The following XIST variants were observed in gnomAD, a reference collection of about 807,000 sequenced individuals.
XIST encodes X inactive specific transcript, also known as X inactive specific transcript (non-protein coding).
chrX:73,846,096 G>C (rs1296484947), exon 1 of XIST: 2 of 555,892 alleles, frequency 3.6e-6, no homozygotes, highest in African/African-American at 4.5e-5. Flanking sequence ...GAAGGGAAAG[G>C]AAGATTGGGG....
At chrX:73,848,936 AACC>A in exon 1 of XIST, 1 of 556,539 alleles carries the variant, frequency 1.8e-6, no homozygotes, top group East Asian at 3.2e-5. Flanking sequence ...TGTTACGCAG[AACC>A]ATGAATAATT....
At position 73,827,276 on chromosome X, in the gene XIST, T is replaced by C. The variant is rs989341518; in HGVS notation, n.12625A>G. 3 of 556,254 alleles carry C rather than the reference T, an allele frequency of 5.4e-6. No individual in the cohort carries two copies. In the African/African-American group the frequency reaches 6.8e-5, roughly 13 times the overall value. 45.8% of individuals were successfully genotyped at this position (556,254 alleles called of 1,213,427 possible). On this transcript the variant is annotated non_coding_transcript_exon_variant, in exon 6 of 6. Transcript: ENST00000429829. ...TATCAGGCAGGGGTTAGGAAGCCCCTCTGCCACACATGACACACACACACG... is the reference window on the plus strand; with the variant it reads ...TATCAGGCAGGGGTTAGGAAGCCCCCCTGCCACACATGACACACACACACG...
chrX:73,847,115 G>C, exon 1 of XIST: 1 of 559,256 alleles, frequency 1.8e-6, no homozygotes, highest in Non-Finnish European at 3.2e-6. Context: ...GGTACTTCCA[G>C]CTGGGATGTA....
At position 73,842,900 on chromosome X, in the gene XIST, G is replaced by A. The variant is rs756904194; in HGVS notation, n.9824C>T. On this transcript the variant is annotated non_coding_transcript_exon_variant, in exon 1 of 6. Transcript: ENST00000429829. The stretch of plus-strand genomic sequence containing the variant: ...ATTGTGAGCAATAGTCTGTAAAAAG[G>A]GGCCAAGGGCACACAAGGGGCAGAG... The A allele has an allele frequency of 7.2e-6, 4 of 556,089 alleles. No individual in the cohort carries two copies. In the African/African-American group the frequency reaches 9.0e-5, roughly 13 times the overall value. 45.8% of individuals were successfully genotyped at this position (556,089 alleles called of 1,213,427 possible).
chrX:73,852,067 T>C (rs1333468987), exon 1 of XIST: 7 of 481,719 alleles, frequency 1.5e-5, no homozygotes, highest in Non-Finnish European at 7.3e-6. Flanking sequence ...AAACAAAAAT[T>C]AAAGCAGGTA....
At chrX:73,848,401 T>C (rs1206030709) in exon 1 of XIST, 1 of 556,611 alleles carries the variant, frequency 1.8e-6, no homozygotes, top group East Asian at 3.2e-5. Flanking sequence ...CAATTAGGAT[T>C]GTGCACATAA....
At chrX:73,829,267 A>T (rs1922329836) in intron 4 of XIST, 1 of 538,161 alleles carries the variant, frequency 1.9e-6, no homozygotes, top group South Asian at 2.4e-5. Context: ...TGTAAATGCC[A>T]TAAATATTGA....
chrX:73,830,855 A>G lies in XIST; in HGVS notation n.11752+211T>C, dbSNP rs574871691. ...ATAGTCCCACTCCAAACACCCGAAC[A>G]CATGCAACCCGCTACCCTCTTTACA... On this transcript the variant is annotated intron_variant and non_coding_transcript_variant, in intron 4 of 5. Coordinates refer to ENST00000429829, the Ensembl canonical transcript of XIST. 3.6e-5 allele frequency among the ~76,000 whole-genome samples: 4 copies of G among 111,737 alleles called. No individual in the cohort carries two copies. The East Asian group carries it at 1.1e-3, about 31-fold the overall frequency.
intron 5 of XIST, chrX:73,828,091 TAAA>T: frequency 4.6e-6 from 2 of 436,165 alleles, no homozygotes; most frequent in Admixed American, 8.4e-5. Flanking sequence ...CACAGAAAGA[TAAA>T]AAAAATCAAA....
At chrX:73,831,796 A>C (rs1260362403) in intron 3 of XIST, among the ~76,000 whole-genome samples, 1 of 112,168 alleles carries the variant, frequency 8.9e-6, no homozygotes, top group Non-Finnish European at 1.9e-5. Flanking sequence ...CTTTATAAAG[A>C]GCTATTTTAA....
At chrX:73,843,053 T>G in exon 1 of XIST, 1 of 558,355 alleles carries the variant, frequency 1.8e-6, no homozygotes. Context: ...ACTCCAATGC[T>G]TATACTTTAT....
At chrX:73,852,193 A>G (rs1217133441) in exon 1 of XIST, 10 of 546,269 alleles carry the variant, frequency 1.8e-5, no homozygotes, top group Non-Finnish European at 2.9e-5. Context: ...CCGATGGGCC[A>G]GAGTGTTGGG....
exon 1 of XIST, chrX:73,843,453 G>A (rs1208722694): frequency 1.8e-6 from 1 of 556,025 alleles, no homozygotes; most frequent in East Asian, 3.3e-5. Flanking sequence ...GAGGAACATA[G>A]GGTCTTTTTC....
rs185000623 is a variant in XIST, at chrX:73,825,990, A to C, written n.13911T>G. 102 of 556,973 alleles carry C rather than the reference A, an allele frequency of 1.8e-4. No homozygotes were observed. In the Admixed American group the frequency reaches 2.2e-3, roughly 12 times the overall value. The allele number at this position is 556,973 out of a possible 1,213,427, so 45.9% of individuals were successfully genotyped here. A position where few individuals can be genotyped will look rare whatever the true frequency, so the allele number is the denominator to read the frequency against. ...GGAGTAGCGTTGGCACAGTCCACCA[A>C]ATTATTTGGCCACTACTATGAGCAG... On this transcript the variant is annotated non_coding_transcript_exon_variant, in exon 6 of 6. Coordinates refer to ENST00000429829, the Ensembl canonical transcript of XIST.
exon 1 of XIST, chrX:73,850,751 G>C (rs1288015774): frequency 3.7e-6 from 1 of 270,801 alleles, no homozygotes; most frequent in East Asian, 1.1e-4. Flanking sequence ...TGGGGAGTTG[G>C]GGGGGTTGGG....
intron 4 of XIST, among the ~76,000 whole-genome samples, chrX:73,829,897 T>C (rs1264629063): frequency 9.1e-6 from 1 of 109,328 alleles, no homozygotes; most frequent in Non-Finnish European, 1.9e-5. Flanking sequence ...ATAATAGATA[T>C]GAGAGGGAAA....
At chrX:73,822,595 G>A in exon 6 of XIST, 1 of 511,494 alleles carries the variant, frequency 2.0e-6, no homozygotes, top group Non-Finnish European at 3.5e-6. Flanking sequence ...TTTTCGTCAT[G>A]ATTTTTTTTG....
chrX:73,851,740 T>C (rs1250473295), exon 1 of XIST: 5 of 557,272 alleles, frequency 9.0e-6, no homozygotes, highest in South Asian at 2.2e-5. Context: ...CTGCCTGACC[T>C]GCTATCATCC....
At chrX:73,831,367 T>G in intron 3 of XIST, 1 of 434,927 alleles carries the variant, frequency 2.3e-6, no homozygotes, top group Non-Finnish European at 4.0e-6. Flanking sequence ...ACCATATTTT[T>G]ACCCTTTTCT....
Sources: allele counts gnomAD v4.1 joint callset (sites outside exome capture counted in the v4.1 genomes callset), GRCh38; gene constraint gnomAD v4.1.1; transcripts MANE v1.5; gene names NCBI Gene and HGNC (gene_info 2026-07-23, HGNC 2026-07-21).